The following ZNF219 variants were observed in gnomAD, a reference collection of about 807,000 sequenced individuals.
The protein encoded by ZNF219 is zinc finger protein 219.
ZNF219 carries 17 observed loss-of-function variants against 54.4 expected under a neutral mutation model. The ratio of observed to expected loss-of-function variants is 0.31; its 90% CI spans 0.21 to 0.47. The LOEUF is 0.47. ZNF219 is among the 20% of genes least tolerant of loss of function. The pLI, the probability that ZNF219 is intolerant of heterozygous loss-of-function variation, is 1.00. For missense variants in ZNF219, 1,014 were observed against 1,062.3 expected (o/e 0.95, Z 0.63); for synonymous variants, 518 against 476.4 (o/e 1.09, Z -1.14).
intron 1 of ZNF219, 85 bp from the exon 2 acceptor site, chr14:21,093,759 T>C (rs1024389295): frequency 2.4e-6 from 3 of 1,273,296 alleles, no homozygotes; most frequent in Non-Finnish European, 3.3e-6. Context: ...CTCTCAGCAT[T>C]CTGTATTCCC....
At chr14:21,103,982 C>G (rs1889811129), upstream of ZNF219, 1 of 152,358 alleles carries the variant, frequency 6.6e-6, no homozygotes, top group Non-Finnish European at 1.5e-5. Context: ...TGTCGCCGCA[C>G]CCCCTCGCAG....
intron 2 of ZNF219, 105 bp from the exon 3 acceptor site, chr14:21,093,395 G>T: frequency 6.7e-7 from 1 of 1,488,768 alleles, no homozygotes; most frequent in South Asian, 1.3e-5. Flanking sequence ...AAGGTGGGCT[G>T]GGGCCTGAAC....
At chr14:21,102,892 G>T, upstream of ZNF219, 1 of 1,442,950 alleles carries the variant, frequency 6.9e-7, no homozygotes, top group Non-Finnish European at 9.2e-7. Flanking sequence ...GAAAAGAAGA[G>T]GTCCTAGAAT....
upstream of ZNF219, among the ~76,000 whole-genome samples, chr14:21,100,145 T>A (rs1889541000): frequency 6.6e-6 from 1 of 152,122 alleles, no homozygotes; most frequent in African/African-American, 2.4e-5. Context: ...GGAGGATGGC[T>A]TGAGCCCAGG....
rs746595858 is a variant in ZNF219 at position 21,090,692 on chromosome 14, G to A, written c.2013C>T (p.Arg671=). ...GGGGTGGCCGGCGGCCCCTAGCCCG[G>A]CGGCTGTGGTGCACTTGAAGGTGCA... The part of the protein sequence containing the change: ...MALHLQVHHS[R]RARGRRPPQA... The change falls in exon 5 of 5, where the codon CGC becomes CGT. Residue 671 remains arginine (R), a synonymous_variant. Coordinates refer to ENST00000360947, the MANE Select transcript of ZNF219 (RefSeq NM_016423.3). The surrounding 1 kb of genome is among the most constrained non-coding windows in gnomAD (Gnocchi z 4.4). 1 of 1,611,234 alleles carries A rather than the reference G, an allele frequency of 6.2e-7. No homozygotes were observed. The highest frequency in any genetic ancestry group is 1.7e-5 in the Admixed American group (1 of 59,870).
At chr14:21,101,919 T>G (rs1317781577), upstream of ZNF219, 2 of 1,551,662 alleles carry the variant, frequency 1.3e-6, no homozygotes, top group Admixed American at 3.9e-5. Flanking sequence ...CTCAGTCGCC[T>G]GCCTGAACTC....
Position 21,093,344 on chromosome 14 carries a change from G to C in ZNF219, c.7-54C>G, listed in dbSNP as rs752036998. On this transcript the variant is annotated intron_variant, in intron 2 of 4. Coordinates refer to ENST00000360947, the MANE Select transcript of ZNF219 (RefSeq NM_016423.3). ...GGGTGAAGGTAGAGCTGTAAAGGAA[G>C]CAAGGGCGTCGCCTCGAGGGCCAGA... 3.9e-6 allele frequency: 6 copies of C among 1,519,220 alleles called. No homozygotes were observed. The Admixed American group carries it at 1.3e-4, about 33-fold the overall frequency. 94.1% of individuals were successfully genotyped at this position (1,519,220 alleles called of 1,614,324 possible).
At chr14:21,102,107 C>T, upstream of ZNF219, 12 of 1,551,228 alleles carry the variant, frequency 7.7e-6, no homozygotes, top group Non-Finnish European at 1.0e-5. Context: ...CGCAGAGCAC[C>T]CCGCCTTTGG....
At position 21,093,018 on chromosome 14, in the gene ZNF219, G is replaced by T; in HGVS notation, c.279C>A (p.Arg93=). Reference sequence around the variant, plus strand: ...AGCGCAGCAGAGCCCGCTGCGCCGCGCGGTGGCCGCAGTGAGGGCACTGGA... The same window carrying T: ...AGCGCAGCAGAGCCCGCTGCGCCGCTCGGTGGCCGCAGTGAGGGCACTGGA... ...QAFQCPHCGH[R]AAQRALLRSH... Residue 93 remains arginine (R), a synonymous_variant, in exon 3 of 5, where the codon CGC becomes CGA. Transcript: ENST00000360947. 1 of 1,598,674 alleles carries T rather than the reference G, an allele frequency of 6.3e-7. No homozygotes were observed. Among genetic ancestry groups the T allele is most frequent in the Non-Finnish European group, 8.5e-7 (1 of 1,175,270 alleles).
chr14:21,093,157 C>A lies in ZNF219; in HGVS notation c.140G>T (p.Trp47Leu). ...CCGTTCGCCTGCACGACTCTCAGAC[C>A]AGCTCACCGCTCCCATCCCGAGCGA... is the stretch of plus-strand genomic sequence containing the variant. ...AGSLGMGAVS[W>L]SESRAGERRF... The change falls in exon 3 of 5, where the codon TGG becomes TTG. Residue 47 changes from tryptophan to leucine, a missense_variant. Around this residue, in one of 5 missense-constraint regions of ZNF219, gnomAD observed 395 missense variants for 415.1 expected, o/e 0.95. Coordinates refer to ENST00000360947, the MANE Select transcript of ZNF219 (RefSeq NM_016423.3). 6.2e-7 allele frequency: 1 copy of A among 1,610,432 alleles called. No homozygotes were observed. Among genetic ancestry groups the A allele is most frequent in the Non-Finnish European group, 8.5e-7 (1 of 1,179,382 alleles).
At position 21,098,589 on chromosome 14, in the gene ZNF219, G is replaced by A. The variant is rs1442361170; in HGVS notation, c.-361C>T. 6.0e-6 allele frequency: 6 copies of A among 999,480 alleles called. No individual in the cohort carries two copies. Among genetic ancestry groups the A allele is most frequent in the East Asian group, 1.1e-4 (1 of 8,832 alleles). The allele number at this position is 999,480 out of a possible 1,614,324, so 61.9% of individuals were successfully genotyped here. Reference sequence around the variant, plus strand: ...GAGCCGGGCTCTGGCTCCGGGGACAGGGAGCTGGGGACCCCGGGAGCCGCG... The same window carrying A: ...GAGCCGGGCTCTGGCTCCGGGGACAAGGAGCTGGGGACCCCGGGAGCCGCG... On this transcript the variant is annotated 5_prime_UTR_variant, in exon 1 of 5. Coordinates refer to ENST00000360947, the MANE Select transcript of ZNF219 (RefSeq NM_016423.3).
chr14:21,102,986 TAA>T (rs926788337), upstream of ZNF219: 9 of 1,404,730 alleles, frequency 6.4e-6, no homozygotes, highest in Non-Finnish European at 7.7e-6. Context: ...TGATTGAGGT[TAA>T]AAGAGTGGGA....
At position 21,093,261 on chromosome 14, in the gene ZNF219, GT is replaced by G; in HGVS notation, c.35del (p.His12ProfsTer2). The part of the protein sequence containing the change: ...EGSRPRAPSG[H>X]LAPSPPAFDG... ...CGAAAGCCGGCGGCGACGGCGCTAA[GT>G]GGCCGCTCGGGGCGCGGGGACGTGA... On this transcript the variant is annotated frameshift_variant, in exon 3 of 5. Coordinates refer to ENST00000360947, the MANE Select transcript of ZNF219 (RefSeq NM_016423.3). LOFTEE classifies it high-confidence loss of function. 2 of 1,594,702 alleles carry G rather than the reference GT, an allele frequency of 1.3e-6. No homozygotes were observed. The highest frequency in any genetic ancestry group is 1.7e-6 in the Non-Finnish European group (2 of 1,177,308).
chr14:21,097,064 C>T (rs951244381), intron 1 of ZNF219, among the ~76,000 whole-genome samples: 5 of 152,170 alleles, frequency 3.3e-5, no homozygotes, highest in African/African-American at 9.7e-5. Context: ...GCTTCTAGGG[C>T]GGTCTACGTT....
upstream of ZNF219, chr14:21,103,179 G>A: frequency 6.4e-7 from 1 of 1,551,662 alleles, no homozygotes; most frequent in Non-Finnish European, 8.7e-7. Flanking sequence ...TTGGAGAATG[G>A]TCCCACGGTG....
chr14:21,096,113 C>G (rs1178624654), intron 1 of ZNF219, among the ~76,000 whole-genome samples: 4 of 152,138 alleles, frequency 2.6e-5, no homozygotes, highest in East Asian at 1.9e-4. Flanking sequence ...TGAGAAGATT[C>G]TAGGGCCCCT....
rs1594597454 is a variant in ZNF219 at position 21,092,474 on chromosome 14, G to A, written c.823C>T (p.Arg275Cys). Residue 275 changes from arginine (R) to cysteine (C), a missense_variant, in exon 3 of 5, where the codon CGC (arginine) becomes TGC (cysteine). Transcript: ENST00000360947. ...PEEPPAPPEF[R>C]CQVCGQSFTQ... The stretch of plus-strand genomic sequence containing the variant: ...AAGCTCTGGCCGCACACTTGGCAGC[G>A]GAACTCCGGAGGCGCTGGGGGCTCC... The A allele has an allele frequency of 4.5e-6, 7 of 1,555,014 alleles. No homozygotes were observed. The highest frequency in any genetic ancestry group is 6.1e-6 in the Non-Finnish European group (7 of 1,149,350).
chr14:21,097,529 G>A (rs1453222995), intron 1 of ZNF219: 3 of 152,218 alleles, frequency 2.0e-5, no homozygotes, highest in African/African-American at 7.2e-5. Context: ...GGGAGGTAGG[G>A]GCGATCAAGG....
intron 1 of ZNF219, among the ~76,000 whole-genome samples, chr14:21,095,977 C>T (rs926723287): frequency 1.5e-5 from 2 of 137,330 alleles, no homozygotes; most frequent in African/African-American, 5.5e-5. Context: ...TGGGGATTCC[C>T]GGAACATCCT....
Sources: gnomAD v4.1 joint callset for allele counts (sites outside exome capture counted in the v4.1 genomes callset) on GRCh38, gnomAD v4.1.1 for gene constraint, gnomAD v4.1.1 regional missense constraint, Gnocchi (gnomAD v3.1) non-coding constraint, MANE v1.5 for transcripts, NCBI Gene and HGNC (gene_info 2026-07-23, HGNC 2026-07-21) for gene names.